The following CFAP54 variants were observed in gnomAD, a reference collection of about 807,000 sequenced individuals.
The protein encoded by CFAP54 is cilia and flagella associated protein 54.
CFAP54 carries 290 observed loss-of-function variants against 370.4 expected under a neutral mutation model. That is an observed-to-expected ratio of 0.78 (90% CI 0.71 to 0.86). The LOEUF is 0.86. CFAP54 is among the 40% of genes least tolerant of loss of function. The pLI, the probability that CFAP54 is intolerant of heterozygous loss-of-function variation, is 0.00. For synonymous variants in CFAP54, 1,206 were observed against 1,236.5 expected, an observed-to-expected ratio of 0.98 and a Z score of 0.52; for missense variants, 3,399 against 3,528.7, an observed-to-expected ratio of 0.96 and a Z score of 0.93.
chr12:96,535,403 C>T lies in CFAP54; in HGVS notation c.1706-112C>T, dbSNP rs75573167. The T allele has an allele frequency of 4.2e-3, 2,801 of 666,306 alleles. 72 individuals are homozygous for T. The African/African-American group carries it at 0.048, about 12-fold the overall frequency. The allele number at this position is 666,306 out of a possible 1,614,324, so 41.3% of individuals were successfully genotyped here. On this transcript the variant is annotated intron_variant, in intron 11 of 67. Transcript: ENST00000524981. Reference sequence around the variant, plus strand: ...ACTTGTCTTATTGACATGATATTTGCCCGCCTATCATTTGTGTCATTTTTT... The same window carrying T: ...ACTTGTCTTATTGACATGATATTTGTCCGCCTATCATTTGTGTCATTTTTT...
chr12:96,572,878 A>G (rs1337619487), intron 19 of CFAP54: 1 of 985,326 alleles, frequency 1.0e-6, no homozygotes, highest in Admixed American at 6.1e-5. Context: ...CCATGGCAGA[A>G]CACAGAAAGT....
At chr12:96,870,732 A>C (rs1174127310) in intron 67 of CFAP54, among the ~76,000 whole-genome samples, 1 of 152,170 alleles carries the variant, frequency 6.6e-6, no homozygotes, top group Non-Finnish European at 1.5e-5. Flanking sequence ...TGGTGATAGC[A>C]GAGTGGCTTT....
intron 26 of CFAP54, among the ~76,000 whole-genome samples, chr12:96,611,988 G>A (rs916532747): frequency 1.3e-5 from 2 of 152,184 alleles, no homozygotes; most frequent in Non-Finnish European, 2.9e-5. Context: ...TTATCCGGGA[G>A]AACTTCCCCA....
At chr12:96,678,429 T>A (rs143874065) in intron 39 of CFAP54, among the ~76,000 whole-genome samples, 5 of 152,280 alleles carry the variant, frequency 3.3e-5, no homozygotes, top group African/African-American at 1.2e-4. Flanking sequence ...TTTTTGTATT[T>A]TTAGTAGAGA....
intron 24 of CFAP54, among the ~76,000 whole-genome samples, chr12:96,593,826 G>A (rs937819684): frequency 1.3e-4 from 19 of 151,966 alleles, no homozygotes; most frequent in Non-Finnish European, 2.5e-4. Context: ...AATTTAAGTA[G>A]CAGAAGTATA....
In CFAP54 at chr12:96,615,111, C is replaced by A. The variant is rs1056964986; in HGVS notation, c.3640-6479C>A. 3.1e-3 allele frequency among the ~76,000 whole-genome samples: 476 copies of A among 152,220 alleles called. 4 individuals carry two copies. Among genetic ancestry groups the A allele is most frequent in the African/African-American group, 0.01 (422 of 41,556 alleles). On this transcript the variant is annotated intron_variant, in intron 26 of 67. Coordinates refer to ENST00000524981, the MANE Select transcript of CFAP54 (RefSeq NM_001306084.2). Reference sequence around the variant, plus strand: ...GCATCACTCTACCTGACTTCAAACTCTACTACAAGGCTACAGTAACCAAAA... The same window carrying A: ...GCATCACTCTACCTGACTTCAAACTATACTACAAGGCTACAGTAACCAAAA...
At chr12:96,599,896 T>C (rs910634200) in intron 26 of CFAP54, among the ~76,000 whole-genome samples, 3 of 152,242 alleles carry the variant, frequency 2.0e-5, no homozygotes, top group Admixed American at 2.0e-4. Context: ...TTGTAGATTC[T>C]AGATATTAGC....
intron 2 of CFAP54, among the ~76,000 whole-genome samples, chr12:96,501,683 G>C (rs548100056): frequency 4.6e-5 from 7 of 152,316 alleles, no homozygotes; most frequent in African/African-American, 1.7e-4. Flanking sequence ...GCAGTGTTCA[G>C]TGTTTTCTCA....
At chr12:96,573,051 G>A in intron 19 of CFAP54, 7 of 985,276 alleles carry the variant, frequency 7.1e-6, no homozygotes, top group Non-Finnish European at 8.4e-6. Context: ...GGAGATGGAG[G>A]TCAAAGGCAG....
In CFAP54 at chr12:96,827,630, A is replaced by G. The variant is rs180868754; in HGVS notation, c.9097-1384A>G. On this transcript the variant is annotated intron_variant, in intron 65 of 67. Transcript: ENST00000524981. The stretch of plus-strand genomic sequence containing the variant: ...AGTGTGCAATTATATGTGATTATAT[A>G]TAATGTGTAATATGATACATAGTAA... 9.5e-5 allele frequency among the ~76,000 whole-genome samples: 12 copies of G among 126,296 alleles called. No individual in the cohort carries two copies. The East Asian group carries it at 1.1e-3, about 11-fold the overall frequency. The allele number at this position is 126,296 out of a possible 152,430, so 82.9% of individuals were successfully genotyped here.
At chr12:96,730,017 G>A (rs1429978200) in intron 50 of CFAP54, among the ~76,000 whole-genome samples, 2 of 152,110 alleles carry the variant, frequency 1.3e-5, no homozygotes, top group African/African-American at 4.8e-5. Context: ...GTAGGAGCCC[G>A]GTCCAGTCTT....
At chr12:96,694,501 A>ACG (rs1555295459) in intron 45 of CFAP54, among the ~76,000 whole-genome samples, 1 of 151,320 alleles carries the variant, frequency 6.6e-6, no homozygotes, top group Admixed American at 6.7e-5. Flanking sequence ...ACACACACAC[A>ACG]CGCGCACACA....
chr12:96,841,514 C>T (rs1191342993), intron 66 of CFAP54, among the ~76,000 whole-genome samples: 4 of 152,154 alleles, frequency 2.6e-5, no homozygotes, highest in African/African-American at 9.7e-5. Context: ...AGTCTCCTGA[C>T]AGATGTTTTT....
chr12:96,774,130 G>A (rs1179167680), intron 60 of CFAP54, among the ~76,000 whole-genome samples: 1 of 151,890 alleles, frequency 6.6e-6, no homozygotes, highest in African/African-American at 2.4e-5. Context: ...TGAACTCTCT[G>A]CTCATAATCT....
chr12:96,634,842 C>T (rs1956647350), intron 32 of CFAP54, among the ~76,000 whole-genome samples: 1 of 152,152 alleles, frequency 6.6e-6, no homozygotes, highest in Admixed American at 6.5e-5. Flanking sequence ...AAAGACTATC[C>T]TTCTTCCATT....
At position 96,720,525 on chromosome 12, in the gene CFAP54, C is replaced by A. The variant is rs1186978773; in HGVS notation, c.6925C>A (p.Leu2309Met). The A allele has an allele frequency of 2.5e-6, 4 of 1,587,278 alleles. No homozygotes were observed. In the Admixed American group the frequency reaches 7.0e-5, roughly 28 times the overall value. Reference sequence around the variant, plus strand: ...GATTGTGGTGGAGGCCCGGCTTCAGCTGGCTGCAGTTGCTCTGCAGAGGCA... The same window carrying A: ...GATTGTGGTGGAGGCCCGGCTTCAGATGGCTGCAGTTGCTCTGCAGAGGCA... ...LEIVVEARLQ[L>M]AAVALQRHRA... Residue 2309 changes from leucine (L) to methionine (M), a missense_variant, in exon 50 of 68, where the codon CTG becomes ATG. This residue lies in a region of CFAP54 where 2,796 missense variants were observed against 2,869.7 expected (regional missense o/e 0.97). Coordinates refer to ENST00000524981, the MANE Select transcript of CFAP54 (RefSeq NM_001306084.2).
rs963773171 is a variant in CFAP54 at position 96,784,816 on chromosome 12, T to C, written c.8381T>C (p.Val2794Ala). Residue 2794 changes from valine (V) to alanine (A), a missense_variant, in exon 61 of 68, where the codon GTG (valine) becomes GCG (alanine). Val to Ala is a moderately conservative substitution (Grantham distance 64). Transcript: ENST00000524981. ...GGTAGAAAAAAGACTCAGACCAAAG[T>C]GGATATTACATGGATCCTTCTACTG... ...ADGRKKTQTK[V>A]DITWILLLRY... is the part of the protein sequence containing the mutation. 4 of 1,534,620 alleles carry C rather than the reference T, an allele frequency of 2.6e-6. No homozygotes were observed. The African/African-American group carries it at 5.5e-5, about 21-fold the overall frequency.
chr12:96,538,283 A>G (rs981660834), intron 12 of CFAP54, 101 bp from the exon 13 acceptor site: 11 of 995,354 alleles, frequency 1.1e-5, no homozygotes, highest in Non-Finnish European at 1.4e-5. Flanking sequence ...TCAACATGTT[A>G]GTATTTGTAA....
chr12:96,533,837 C>CTCT lies in CFAP54; in HGVS notation c.1407_1409dup (p.Leu470dup). 2 of 1,529,482 alleles carry CTCT rather than the reference C, an allele frequency of 1.3e-6. No individual in the cohort carries two copies. Among genetic ancestry groups the CTCT allele is most frequent in the Non-Finnish European group, 1.7e-6 (2 of 1,145,114 alleles). The allele number at this position is 1,529,482 out of a possible 1,614,324, so 94.7% of individuals were successfully genotyped here. A position where few individuals can be genotyped will look rare whatever the true frequency, so the allele number is the denominator to read the frequency against. On this transcript the variant is annotated inframe_insertion, in exon 10 of 68. Transcript: ENST00000524981. ...GGAATGCTTGATTTTCCAAAAACAT[C>CTCT]TCTTCTGGAACTTATGATAGGAAGA...
Sources: gnomAD v4.1 joint callset for allele counts (sites outside exome capture counted in the v4.1 genomes callset) on GRCh38, gnomAD v4.1.1 for gene constraint, gnomAD v4.1.1 regional missense constraint, MANE v1.5 for transcripts, NCBI Gene and HGNC (gene_info 2026-07-23, HGNC 2026-07-21) for gene names.